The following PKHD1 variants were observed in gnomAD, a reference collection of about 807,000 sequenced individuals.
PKHD1 encodes PKHD1 ciliary IPT domain containing fibrocystin/polyductin.
In PKHD1, 291 loss-of-function variants were observed where a neutral mutation model predicts 412.0. The ratio of observed to expected loss-of-function variants is 0.71; its 90% CI spans 0.64 to 0.78. The LOEUF is 0.78. Among genes scored for constraint, PKHD1 ranks in the 30% least tolerant of loss-of-function variants. The pLI is 0.00. For synonymous variants in PKHD1, 1,777 were observed against 1,821.5 expected, an observed-to-expected ratio of 0.98 and a Z score of 0.62; for missense variants, 4,825 against 4,950.7, an observed-to-expected ratio of 0.97 and a Z score of 0.76.
intron 60 of PKHD1, among the ~76,000 whole-genome samples, chr6:51,689,177 C>T (rs1777841921): frequency 6.6e-6 from 1 of 152,170 alleles, no homozygotes; most frequent in Non-Finnish European, 1.5e-5. Context: ...CCTCAGGATG[C>T]AAGATTGGTT....
At chr6:51,658,871 G>C (rs1047206637) in intron 61 of PKHD1, 81 bp downstream of exon 61, 10 of 877,256 alleles carry the variant, frequency 1.1e-5, no homozygotes, top group Non-Finnish European at 1.8e-5. Flanking sequence ...TTCAGTGTAA[G>C]TAGATTGACA....
Position 52,071,056 on chromosome 6 carries a change from T to C in PKHD1, c.617A>G (p.Glu206Gly). ...CTGCAGAGTCCCAAGACCATGGTCC[T>C]CCTGAATAGGATAACTAAGGAAAAG... Reference protein sequence around the residue: ...RQMGSCYPIQEDHGLGTLQCH... With the variant: ...RQMGSCYPIQGDHGLGTLQCH... Residue 206 changes from glutamate to glycine, a missense_variant, in exon 9 of 67, where the codon GAG becomes GGG. Physicochemically the swap from Glu to Gly is moderately conservative, Grantham distance 98. Transcript: ENST00000371117. 6.2e-7 allele frequency: 1 copy of C among 1,603,668 alleles called. No individual in the cohort carries two copies. The highest frequency in any genetic ancestry group is 8.5e-7 in the Non-Finnish European group (1 of 1,170,666).
chr6:52,085,736 T>TAGTGTGAA (rs1253775308), intron 1 of PKHD1, among the ~76,000 whole-genome samples: 1 of 152,112 alleles, frequency 6.6e-6, no homozygotes, highest in African/African-American at 2.4e-5. Flanking sequence ...ACAGCCTTCC[T>TAGTGTGAA]AGTGTGAAAG....
intron 48 of PKHD1, among the ~76,000 whole-genome samples, chr6:51,862,376 T>C (rs114892069): frequency 1.6e-3 from 243 of 152,326 alleles, no homozygotes; most frequent in African/African-American, 5.5e-3. Flanking sequence ...TTGGGGTCCA[T>C]TGTGATTTTT....
intron 58 of PKHD1, 57 bp downstream of exon 58, chr6:51,747,730 A>C: frequency 6.6e-7 from 1 of 1,504,940 alleles, no homozygotes. Flanking sequence ...ATGCCATTAA[A>C]AATTTTATGC....
At chr6:51,845,654 A>C (rs892222765) in intron 50 of PKHD1, among the ~76,000 whole-genome samples, 8 of 152,262 alleles carry the variant, frequency 5.3e-5, no homozygotes, top group Non-Finnish European at 8.8e-5. Context: ...ACATATGCAC[A>C]GATACAGATG....
intron 43 of PKHD1, among the ~76,000 whole-genome samples, chr6:51,895,583 G>A (rs1480386157): frequency 6.6e-6 from 1 of 151,622 alleles, no homozygotes; most frequent in Non-Finnish European, 1.5e-5. Flanking sequence ...TTTTTTTTGA[G>A]CAACTACCAT....
chr6:51,828,521 AT>A (rs1163282214), intron 52 of PKHD1, among the ~76,000 whole-genome samples: 2 of 152,204 alleles, frequency 1.3e-5, no homozygotes, highest in African/African-American at 2.4e-5. Flanking sequence ...AGGAGAAGAC[AT>A]TTTTTTCCAC....
Position 51,617,950 on chromosome 6 carries a change from C to A in PKHD1, c.*1131G>T, listed in dbSNP as rs1027151227. 1 of 152,132 alleles carries A rather than the reference C, an allele frequency of 6.6e-6. No homozygotes were observed. Among genetic ancestry groups the A allele is most frequent in the South Asian group, 2.1e-4 (1 of 4,814 alleles). The allele number at this position is 152,132 out of a possible 1,614,324, so 9.4% of individuals were successfully genotyped here. A position where few individuals can be genotyped will look rare whatever the true frequency, so the allele number is the denominator to read the frequency against. The stretch of plus-strand genomic sequence containing the variant: ...TTTTTGGAAGCTCTCCACATTCCTG[C>A]GATCTTTTCTTTACATGCTTGGAGC... On this transcript the variant is annotated 3_prime_UTR_variant, in exon 67 of 67. Coordinates refer to ENST00000371117, the MANE Select transcript of PKHD1 (RefSeq NM_138694.4).
At position 52,076,377 on chromosome 6, in the gene PKHD1, T is replaced by G. The variant is rs369565025; in HGVS notation, c.391-44A>C. The G allele has an allele frequency of 4.8e-6, 7 of 1,453,948 alleles. No individual in the cohort carries two copies. In the African/African-American group the frequency reaches 5.6e-5, roughly 12 times the overall value. 90.1% of individuals were successfully genotyped at this position (1,453,948 alleles called of 1,614,324 possible). On this transcript the variant is annotated intron_variant, in intron 5 of 66. Coordinates refer to ENST00000371117, the MANE Select transcript of PKHD1 (RefSeq NM_138694.4). ...CACAAGTGAGCATGTCATTAAAATA[T>G]TCACAAACACAGGAGGCACAAGCCT...
At chr6:51,855,018 T>G (rs1773022890) in intron 49 of PKHD1, among the ~76,000 whole-genome samples, 1 of 152,236 alleles carries the variant, frequency 6.6e-6, no homozygotes, top group African/African-American at 2.4e-5. Context: ...TGTAAGAATC[T>G]GCTTAGGGCT....
At position 51,748,577 on chromosome 6, in the gene PKHD1, G is replaced by T; in HGVS notation, c.9039C>A (p.Ser3013=). The change falls in exon 58 of 67, where the codon TCC becomes TCA. Residue 3013 remains serine (S), a synonymous_variant. Coordinates refer to ENST00000371117, the MANE Select transcript of PKHD1 (RefSeq NM_138694.4). ...GGTGCAGAGTAGATGATATGATCCA[G>T]GATCCTGCTGACACATTACTGAATT... ...SVEFSNVSAG[S]WIISSTLHQS... is the part of the protein sequence containing the mutation. 6.2e-7 allele frequency: 1 copy of T among 1,613,578 alleles called. No individual in the cohort carries two copies. The highest frequency in any genetic ancestry group is 1.1e-5 in the South Asian group (1 of 91,040).
chr6:51,744,199 TTG>T (rs1784913348), intron 60 of PKHD1, among the ~76,000 whole-genome samples, 184 bp downstream of exon 60: 1 of 138,706 alleles, frequency 7.2e-6, no homozygotes, highest in Non-Finnish European at 1.6e-5. Context: ...AGCAGTAAAG[TTG>T]TGAGATCACA....
chr6:51,926,365 C>T (rs1255960248), intron 37 of PKHD1, among the ~76,000 whole-genome samples: 2 of 152,044 alleles, frequency 1.3e-5, no homozygotes, highest in African/African-American at 4.8e-5. Flanking sequence ...TTTCTTTTCG[C>T]CTCAAGTTTT....
At chr6:51,647,769 T>C (rs537537882) in intron 63 of PKHD1, among the ~76,000 whole-genome samples, 44 of 152,224 alleles carry the variant, frequency 2.9e-4, no homozygotes, top group African/African-American at 1.1e-3. Context: ...TTACACTACC[T>C]TAAGGATACG....
chr6:51,725,542 C>T (rs1782470229), intron 60 of PKHD1, among the ~76,000 whole-genome samples: 1 of 152,050 alleles, frequency 6.6e-6, no homozygotes, highest in African/African-American at 2.4e-5. Flanking sequence ...AGTATGGGAG[C>T]AAGAAAGTCC....
intron 35 of PKHD1, among the ~76,000 whole-genome samples, chr6:52,009,651 T>C (rs1799551847): frequency 6.6e-6 from 1 of 152,150 alleles, no homozygotes; most frequent in African/African-American, 2.4e-5. Context: ...CAAAGAGCCC[T>C]GAGCCTCTGA....
chr6:51,884,301 T>C (rs1170760930), intron 45 of PKHD1, among the ~76,000 whole-genome samples: 2 of 152,214 alleles, frequency 1.3e-5, no homozygotes. Flanking sequence ...TGAATGGTCT[T>C]GGCATCCTTT....
chr6:52,006,082 G>A (rs1038190747), intron 35 of PKHD1, among the ~76,000 whole-genome samples: 1 of 151,106 alleles, frequency 6.6e-6, no homozygotes, highest in East Asian at 1.9e-4. Context: ...TTAAGTTGTT[G>A]AGCCACTTGA....
Sources: allele counts gnomAD v4.1 joint callset (sites outside exome capture counted in the v4.1 genomes callset), GRCh38; gene constraint gnomAD v4.1.1; transcripts MANE v1.5; gene names NCBI Gene and HGNC (gene_info 2026-07-23, HGNC 2026-07-21).